The following CXCL13 variants were observed in gnomAD, a reference collection of about 807,000 sequenced individuals.
The protein encoded by CXCL13 is C-X-C motif chemokine ligand 13.
CXCL13 carries 7 observed loss-of-function variants against 12.2 expected under a neutral mutation model. That is an observed-to-expected ratio of 0.57 (90% confidence interval 0.33 to 1.07). The LOEUF (loss-of-function observed/expected upper bound fraction) is 1.07. CXCL13 is among the 50% of genes least tolerant of loss of function. CXCL13 has a pLI of 0.04. For missense variants in CXCL13, 113 were observed against 127.4 expected (o/e 0.89, Z 0.55); for synonymous variants, 47 against 42.4 (o/e 1.11, Z -0.42).
chr4:77,521,398 G>A (rs1241232515), intron 1 of CXCL13, among the ~76,000 whole-genome samples: 1 of 152,154 alleles, frequency 6.6e-6, no homozygotes, highest in African/African-American at 2.4e-5. Context: ...TTCAGAGACT[G>A]TTATTGGTCT....
chr4:77,570,034 C>A (rs1015719308), intron 1 of CXCL13, among the ~76,000 whole-genome samples: 1 of 152,308 alleles, frequency 6.6e-6, no homozygotes, highest in Middle Eastern at 3.4e-3. Context: ...AAAGGACTCC[C>A]TATTCAATAA....
At chr4:77,522,441 T>C (rs904962438) in intron 1 of CXCL13, among the ~76,000 whole-genome samples, 2 of 151,160 alleles carry the variant, frequency 1.3e-5, no homozygotes, top group Non-Finnish European at 3.0e-5. Context: ...CATTATGTAA[T>C]GGCCTTCTTT....
intron 1 of CXCL13, among the ~76,000 whole-genome samples, chr4:77,573,557 A>G (rs1406224282): frequency 6.6e-6 from 1 of 151,930 alleles, no homozygotes; most frequent in Non-Finnish European, 1.5e-5. Context: ...ACTAAAATTT[A>G]AGGTTACTAA....
chr4:77,575,253 C>T (rs1361051540), intron 1 of CXCL13, among the ~76,000 whole-genome samples: 4 of 151,728 alleles, frequency 2.6e-5, no homozygotes, highest in African/African-American at 4.9e-5. Context: ...TAAGGAAATC[C>T]GGAATTCTAT....
chr4:77,542,555 C>A (rs1057036263), intron 1 of CXCL13, among the ~76,000 whole-genome samples: 1 of 152,082 alleles, frequency 6.6e-6, no homozygotes, highest in African/African-American at 2.4e-5. Context: ...CCACCAGGCC[C>A]CATCTCCAAT....
chr4:77,546,863 T>C (rs900337434), intron 1 of CXCL13, among the ~76,000 whole-genome samples: 1 of 152,234 alleles, frequency 6.6e-6, no homozygotes, highest in Non-Finnish European at 1.5e-5. Context: ...TCCTGCTTTC[T>C]CTTATGGGCA....
chr4:77,540,225 A>G (rs1365719832), intron 1 of CXCL13, among the ~76,000 whole-genome samples: 1 of 152,190 alleles, frequency 6.6e-6, no homozygotes, highest in Non-Finnish European at 1.5e-5. Flanking sequence ...TAACTGTGGT[A>G]TTTACAAGAA....
chr4:77,597,535 G>A (rs1018751805), intron 1 of CXCL13, among the ~76,000 whole-genome samples: 4 of 152,124 alleles, frequency 2.6e-5, no homozygotes, highest in African/African-American at 9.7e-5. Flanking sequence ...AAGGCAGGAA[G>A]GGGCCGCCTT....
chr4:77,528,784 T>G (rs1200972059), intron 1 of CXCL13, among the ~76,000 whole-genome samples: 12 of 152,212 alleles, frequency 7.9e-5, no homozygotes, highest in Admixed American at 5.9e-4. Context: ...TCAGTTTAAT[T>G]AGATCCCATT....
chr4:77,579,514 T>C (rs1041383436), intron 1 of CXCL13, among the ~76,000 whole-genome samples: 7 of 152,210 alleles, frequency 4.6e-5, no homozygotes, highest in African/African-American at 1.7e-4. Flanking sequence ...CAATGTATTA[T>C]GCTATTGGAG....
chr4:77,544,693 G>T (rs1725307217), intron 1 of CXCL13, among the ~76,000 whole-genome samples: 2 of 152,130 alleles, frequency 1.3e-5, no homozygotes, highest in Admixed American at 6.5e-5. Context: ...CCATTCTGTA[G>T]GTTGCCTGTT....
intron 1 of CXCL13, among the ~76,000 whole-genome samples, chr4:77,542,299 G>T (rs1725223420): frequency 6.6e-6 from 1 of 152,140 alleles, no homozygotes; most frequent in Non-Finnish European, 1.5e-5. Context: ...TTCTCAAGGG[G>T]AATGCTTCCA....
At chr4:77,571,054 T>C (rs1180224975) in intron 1 of CXCL13, among the ~76,000 whole-genome samples, 3 of 151,982 alleles carry the variant, frequency 2.0e-5, no homozygotes, top group East Asian at 3.9e-4. Flanking sequence ...TGTGAGCGCA[T>C]GGCGCGGGAC....
intron 1 of CXCL13, among the ~76,000 whole-genome samples, chr4:77,516,733 A>G (rs1410523031): frequency 1.3e-5 from 2 of 151,614 alleles, no homozygotes; most frequent in Non-Finnish European, 2.9e-5. Flanking sequence ...TGGTCTATCA[A>G]TTTTGTTGAT....
chr4:77,532,111 C>G (rs1724942838), intron 1 of CXCL13, among the ~76,000 whole-genome samples: 1 of 152,160 alleles, frequency 6.6e-6, no homozygotes, highest in Admixed American at 6.5e-5. Flanking sequence ...GGTTATTTTG[C>G]TTGTTAGTTG....
intron 1 of CXCL13, among the ~76,000 whole-genome samples, chr4:77,524,781 G>T (rs541496276): frequency 6.6e-6 from 1 of 152,290 alleles, no homozygotes; most frequent in Non-Finnish European, 1.5e-5. Context: ...TGGAAATGCA[G>T]AAGTCCCCTG....
At chr4:77,605,195 A>G (rs1255706237), upstream of CXCL13, among the ~76,000 whole-genome samples, 1 of 152,216 alleles carries the variant, frequency 6.6e-6, no homozygotes, top group Non-Finnish European at 1.5e-5. Context: ...AGACACAGGC[A>G]CACAAAGCAG....
chr4:77,517,675 T>A (rs1180723805), intron 1 of CXCL13, among the ~76,000 whole-genome samples: 1 of 152,198 alleles, frequency 6.6e-6, no homozygotes, highest in Non-Finnish European at 1.5e-5. Context: ...TCTTCCTCCA[T>A]CCCTTTATTT....
At chr4:77,582,027 T>C (rs1236354600) in intron 1 of CXCL13, among the ~76,000 whole-genome samples, 1 of 152,148 alleles carries the variant, frequency 6.6e-6, no homozygotes, top group Non-Finnish European at 1.5e-5. Flanking sequence ...TCCTCAATGC[T>C]TTGCCTTTTT....
Sources: allele counts gnomAD v4.1 joint callset (sites outside exome capture counted in the v4.1 genomes callset), GRCh38; gene constraint gnomAD v4.1.1; transcripts MANE v1.5; gene names NCBI Gene and HGNC (gene_info 2026-07-23, HGNC 2026-07-21).